WWOX: variants seen among roughly 807,000 people sequenced by gnomAD.
The protein encoded by WWOX is WW domain-containing oxidoreductase.
A neutral mutation model predicts 46.2 loss-of-function variants in WWOX; 69 were observed. The observed-to-expected ratio is 1.49, with a 90% CI of 1.23 to 1.82. The LOEUF (loss-of-function observed/expected upper bound fraction) is 1.82, where lower values mean the gene tolerates loss of function less well. WWOX is among the 40% of genes most tolerant of loss of function. The pLI is 0.00. For synonymous variants in WWOX, 359 were observed against 202.6 expected (o/e 1.77, Z -6.56); for missense variants, 919 against 542.6 (o/e 1.69, Z -6.89).
intron 8 of WWOX, among the ~76,000 whole-genome samples, chr16:78,736,577 C>T (rs1178711906): frequency 2.0e-5 from 3 of 150,850 alleles, no homozygotes; most frequent in Non-Finnish European, 2.9e-5. Context: ...CTCTTTCTTT[C>T]TTGTTTTGTT....
intron 8 of WWOX, among the ~76,000 whole-genome samples, chr16:79,111,083 A>G (rs1005231674): frequency 2.0e-5 from 3 of 152,202 alleles, no homozygotes; most frequent in African/African-American, 7.2e-5. Flanking sequence ...AGAGAGTCAC[A>G]GATGCTTTCA....
intron 8 of WWOX, among the ~76,000 whole-genome samples, chr16:78,670,566 G>C (rs1292186263): frequency 2.0e-5 from 3 of 151,988 alleles, no homozygotes; most frequent in African/African-American, 4.8e-5. Flanking sequence ...CCCCAGGTTT[G>C]GATTACAGAT....
chr16:79,197,857 G>C (rs866069442), intron 8 of WWOX, among the ~76,000 whole-genome samples: 3 of 152,246 alleles, frequency 2.0e-5, no homozygotes, highest in Admixed American at 1.3e-4. Context: ...CAGGGATCTT[G>C]TGTCCTGATA....
intron 5 of WWOX, among the ~76,000 whole-genome samples, chr16:78,324,835 T>G (rs933757725): frequency 1.3e-5 from 2 of 152,152 alleles, no homozygotes; most frequent in African/African-American, 4.8e-5. Context: ...TGAAAATGTT[T>G]TGCAATTGTC....
intron 8 of WWOX, among the ~76,000 whole-genome samples, chr16:79,051,005 C>T (rs146794602): frequency 5.8e-4 from 88 of 152,346 alleles, no homozygotes; most frequent in African/African-American, 2.1e-3. Context: ...CCAAATCACA[C>T]GTCACGGCTC....
At chr16:78,361,101 G>A (rs11150067) in intron 5 of WWOX, among the ~76,000 whole-genome samples, 79,065 of 151,984 alleles carry the variant, frequency 0.52, 22,172 homozygotes, top group Non-Finnish European at 0.64. Context: ...GGGATTACAG[G>A]CATGAGCCAC....
chr16:78,175,010 A>ATAATAATAATAATAG (rs1567612826), intron 5 of WWOX, among the ~76,000 whole-genome samples: 2 of 138,260 alleles, frequency 1.4e-5, no homozygotes, highest in Middle Eastern at 3.7e-3. Context: ...AATAATAATA[A>ATAATAATAATAATAG]TAATAATAAT....
intron 8 of WWOX, among the ~76,000 whole-genome samples, chr16:78,810,811 A>T (rs868640282): frequency 2.6e-5 from 4 of 152,220 alleles, no homozygotes; most frequent in East Asian, 1.9e-4. Flanking sequence ...GGGAAAAAAA[A>T]CTCCCTAAAA....
chr16:78,778,838 C>T (rs2050255776), intron 8 of WWOX, among the ~76,000 whole-genome samples: 2 of 152,156 alleles, frequency 1.3e-5, no homozygotes, highest in Admixed American at 1.3e-4. Flanking sequence ...TCGTAAAGCC[C>T]CGGCGTCTCC....
intron 8 of WWOX, among the ~76,000 whole-genome samples, chr16:78,798,842 G>A (rs537966389): frequency 2.0e-5 from 3 of 152,166 alleles, no homozygotes; most frequent in South Asian, 2.1e-4. Context: ...TATCAGATGC[G>A]GCCAATGTCA....
chr16:79,058,529 C>T (rs2048306327), intron 8 of WWOX, among the ~76,000 whole-genome samples: 1 of 151,894 alleles, frequency 6.6e-6, no homozygotes, highest in Non-Finnish European at 1.5e-5. Flanking sequence ...AGGGAGGAGG[C>T]AAGTATATTA....
intron 8 of WWOX, among the ~76,000 whole-genome samples, chr16:79,071,005 G>C (rs1341128134): frequency 6.6e-6 from 1 of 152,174 alleles, no homozygotes; most frequent in African/African-American, 2.4e-5. Flanking sequence ...AGAATGTAGG[G>C]AGTGTACTCT....
intron 8 of WWOX, among the ~76,000 whole-genome samples, chr16:79,139,010 C>T (rs1046939983): frequency 3.3e-5 from 5 of 152,156 alleles, no homozygotes; most frequent in Non-Finnish European, 7.3e-5. Context: ...TGACCTTTCT[C>T]TCCTGAAATA....
At chr16:78,541,193 G>A (rs1024897962) in intron 8 of WWOX, among the ~76,000 whole-genome samples, 2 of 151,912 alleles carry the variant, frequency 1.3e-5, no homozygotes, top group East Asian at 1.9e-4. Context: ...AGACACGTAC[G>A]GCCGGGCGCG....
At chr16:78,246,640 G>A (rs560311743) in intron 5 of WWOX, among the ~76,000 whole-genome samples, 7 of 152,300 alleles carry the variant, frequency 4.6e-5, no homozygotes, top group African/African-American at 9.6e-5. Context: ...ATAGCAAAAC[G>A]TCTTCTGTGG....
intron 8 of WWOX, among the ~76,000 whole-genome samples, chr16:79,178,615 C>T (rs906603571): frequency 2.0e-5 from 3 of 152,142 alleles, no homozygotes; most frequent in Non-Finnish European, 2.9e-5. Context: ...CCACACCCAG[C>T]CTGATTCCTG....
At chr16:78,615,315 C>G (rs1380319369) in intron 8 of WWOX, among the ~76,000 whole-genome samples, 1 of 152,078 alleles carries the variant, frequency 6.6e-6, no homozygotes, top group Non-Finnish European at 1.5e-5. Context: ...CCTTTGCTCT[C>G]CTCTCCGCGA....
intron 8 of WWOX, among the ~76,000 whole-genome samples, chr16:78,654,085 C>T (rs189346333): frequency 4.6e-5 from 7 of 152,304 alleles, no homozygotes; most frequent in African/African-American, 1.7e-4. Flanking sequence ...AAAATGCCTT[C>T]TCCTAAATCC....
At chr16:79,048,342 C>T (rs536495536) in intron 8 of WWOX, among the ~76,000 whole-genome samples, 57 of 151,982 alleles carry the variant, frequency 3.8e-4, no homozygotes, top group African/African-American at 8.7e-4. Flanking sequence ...ACACACATGC[C>T]GGTGCACCTG....
Sources: gnomAD v4.1 joint callset for allele counts (sites outside exome capture counted in the v4.1 genomes callset) on GRCh38, gnomAD v4.1.1 for gene constraint, MANE v1.5 for transcripts, NCBI Gene and HGNC (gene_info 2026-07-23, HGNC 2026-07-21) for gene names.